ATP10D: variants seen among roughly 807,000 people sequenced by gnomAD.
ATP10D encodes the protein ATPase phospholipid transporting 10D (putative).
Under a neutral mutation model 144.8 loss-of-function variants are expected in ATP10D, and 89 were observed. That is an observed-to-expected ratio of 0.61 (90% confidence interval 0.52 to 0.73). ATP10D has a LOEUF of 0.73. Ranked by LOEUF, ATP10D falls within the 30% of genes least tolerant of loss-of-function variation. The pLI is 0.00. For missense variants in ATP10D, 1,603 were observed against 1,714.8 expected, an observed-to-expected ratio of 0.93 and a Z score of 1.15; for synonymous variants, 571 against 615.1, an observed-to-expected ratio of 0.93 and a Z score of 1.06.
intron 1 of ATP10D, among the ~76,000 whole-genome samples, chr4:47,504,980 G>A (rs1560412639): frequency 6.6e-6 from 1 of 152,174 alleles, no homozygotes; most frequent in Non-Finnish European, 1.5e-5. Context: ...TTGAGAAGAA[G>A]GTTATAAGTC....
chr4:47,531,194 G>T (rs1229164487), intron 5 of ATP10D, among the ~76,000 whole-genome samples: 1 of 152,070 alleles, frequency 6.6e-6, no homozygotes, highest in Non-Finnish European at 1.5e-5. Context: ...CTTGTTATTG[G>T]TCTGTTCAGG....
intron 5 of ATP10D, among the ~76,000 whole-genome samples, chr4:47,534,956 G>T (rs1717762558): frequency 6.6e-6 from 1 of 151,988 alleles, no homozygotes; most frequent in African/African-American, 2.4e-5. Flanking sequence ...TGTGACTTAT[G>T]TACACACCAT....
chr4:47,537,352 C>A (rs1283569905), intron 9 of ATP10D, among the ~76,000 whole-genome samples: 3 of 152,096 alleles, frequency 2.0e-5, no homozygotes, highest in African/African-American at 7.2e-5. Flanking sequence ...TTAAGAATAA[C>A]TAGTTTAAGC....
rs769051611 is a variant in ATP10D at position 47,546,702 on chromosome 4, A to G, written c.1475A>G (p.Asn492Ser). ...FIDTVSGSLS[N>S]MAKPRAPSCR... is the part of the protein sequence containing the mutation. ...GACACAGTCAGTGGTTCCCTCAGCA[A>G]TATGGCAAAACCGAGAGCCCCCAGC... The change falls in exon 10 of 23, where the codon AAT (asparagine) becomes AGT (serine). Residue 492 changes from asparagine to serine, a missense_variant. By Grantham distance (46) the Asn-to-Ser change is conservative (BLOSUM62 1). Transcript: ENST00000273859. 1.9e-6 allele frequency: 3 copies of G among 1,614,120 alleles called. No individual in the cohort carries two copies. The highest frequency in any genetic ancestry group is 1.1e-5 in the South Asian group (1 of 91,090).
intron 1 of ATP10D, among the ~76,000 whole-genome samples, chr4:47,510,841 G>A (rs1328748696): frequency 1.3e-5 from 2 of 152,206 alleles, no homozygotes; most frequent in Non-Finnish European, 2.9e-5. Flanking sequence ...TTAATGGCAA[G>A]TGAATGCTTC....
intron 22 of ATP10D, among the ~76,000 whole-genome samples, chr4:47,588,768 G>A (rs1324379396): frequency 4.6e-5 from 7 of 152,180 alleles, no homozygotes; most frequent in Non-Finnish European, 8.8e-5. Context: ...CCAGCTTCCA[G>A]ATTAAAAACT....
At position 47,591,830 on chromosome 4, in the gene ATP10D, C is replaced by T. The variant is rs1297655748; in HGVS notation, c.*449C>T. 3 of 152,556 alleles carry T rather than the reference C, an allele frequency of 2.0e-5. No individual in the cohort carries two copies. The highest frequency in any genetic ancestry group is 4.4e-5 in the Non-Finnish European group (3 of 68,408). The allele number at this position is 152,556 out of a possible 1,614,324, so 9.5% of individuals were successfully genotyped here. On this transcript the variant is annotated 3_prime_UTR_variant, in exon 23 of 23. Coordinates refer to ENST00000273859, the MANE Select transcript of ATP10D (RefSeq NM_020453.4). Reference sequence around the variant, plus strand: ...GGACTCAGAGGAAATACGGAAAAAACATTGTAGATGGTTAATTTACAGATA... The same window carrying T: ...GGACTCAGAGGAAATACGGAAAAAATATTGTAGATGGTTAATTTACAGATA...
At chr4:47,579,287 C>T (rs1255920163) in intron 19 of ATP10D, among the ~76,000 whole-genome samples, 1 of 152,000 alleles carries the variant, frequency 6.6e-6, no homozygotes, top group Non-Finnish European at 1.5e-5. Context: ...CTTTATTAAC[C>T]CGATAAATAT....
At chr4:47,519,186 G>A (rs1716824857) in intron 3 of ATP10D, among the ~76,000 whole-genome samples, 1 of 152,146 alleles carries the variant, frequency 6.6e-6, no homozygotes. Flanking sequence ...ATAAAGTGAA[G>A]TAGGCATCCA....
rs1476784491 is a variant in ATP10D, at chr4:47,576,973, G to C, written c.3567G>C (p.Glu1189Asp). ...TTTACAGAAGTGGTCAGAAATCAGA[G>C]GTAGGTGTTAAAGCAAGAGTGCTTG... Reference protein sequence around the residue: ...PELYRSGQKSEAYLPHTFWIT... With the variant: ...PELYRSGQKSDAYLPHTFWIT... The change falls in exon 19 of 23, where the codon GAG (glutamate) becomes GAC (aspartate). Residue 1189 changes from glutamate to aspartate, a missense_variant and splice_region_variant. Physicochemically the swap from Glu to Asp is conservative, Grantham distance 45 (BLOSUM62 2). Transcript: ENST00000273859. 5.0e-6 allele frequency: 8 copies of C among 1,614,066 alleles called. No individual in the cohort carries two copies. Among genetic ancestry groups the C allele is most frequent in the Non-Finnish European group, 5.9e-6 (7 of 1,179,912 alleles).
chr4:47,512,457 A>T, intron 1 of ATP10D, 47 bp from the exon 2 acceptor site: 1 of 1,242,886 alleles, frequency 8.0e-7, no homozygotes, highest in East Asian at 2.3e-5. Flanking sequence ...ACTATCTTTG[A>T]GACGTTTCAG....
At chr4:47,537,047 T>C in intron 9 of ATP10D, 109 bp downstream of exon 9, 1 of 1,310,190 alleles carries the variant, frequency 7.6e-7, no homozygotes, top group Non-Finnish European at 1.0e-6. Context: ...TATTTAATCA[T>C]TGAGTACTTA....
At chr4:47,491,566 T>A (rs1272705627) in intron 1 of ATP10D, 1 of 383,968 alleles carries the variant, frequency 2.6e-6, no homozygotes, top group African/African-American at 2.1e-5. Flanking sequence ...CTTTGGCAAT[T>A]TCCCATATTC....
chr4:47,515,029 C>T lies in ATP10D; in HGVS notation c.291-447C>T, dbSNP rs188645643. On this transcript the variant is annotated intron_variant, in intron 2 of 22. Transcript: ENST00000273859. ...AGGCTGGAGTGCAGTAGTGTGATCC[C>T]GGCTCACTGCAGCCTCCGACTTCTG... Among the ~76,000 whole-genome samples, 319 of 152,058 alleles carry T rather than the reference C, an allele frequency of 2.1e-3. 1 individual carries two copies. Among genetic ancestry groups the T allele is most frequent in the African/African-American group, 5.1e-3 (212 of 41,476 alleles).
chr4:47,516,544 T>C (rs1052329955), intron 3 of ATP10D, among the ~76,000 whole-genome samples: 7 of 152,230 alleles, frequency 4.6e-5, no homozygotes, highest in African/African-American at 1.7e-4. Flanking sequence ...TTCAATCTTA[T>C]GTGATCCAAA....
chr4:47,571,269 T>C (rs932459598), intron 16 of ATP10D, among the ~76,000 whole-genome samples: 1 of 148,660 alleles, frequency 6.7e-6, no homozygotes, highest in Non-Finnish European at 1.5e-5. Flanking sequence ...AATTATATTA[T>C]AATTTATTAC....
intron 1 of ATP10D, among the ~76,000 whole-genome samples, chr4:47,502,095 A>G (rs540965799): frequency 2.0e-5 from 3 of 152,286 alleles, no homozygotes; most frequent in African/African-American, 7.2e-5. Context: ...TACAACTGCA[A>G]CATTTTACCT....
intron 20 of ATP10D, 42 bp downstream of exon 20, chr4:47,580,520 A>C (rs1161702126): frequency 6.5e-7 from 1 of 1,542,360 alleles, no homozygotes; most frequent in Non-Finnish European, 9.0e-7. Context: ...TTAATGAATC[A>C]ATGATGCTTC....
chr4:47,562,613 C>G (rs1577687293), intron 14 of ATP10D, among the ~76,000 whole-genome samples: 2 of 152,120 alleles, frequency 1.3e-5, no homozygotes, highest in African/African-American at 4.8e-5. Context: ...TTAGTACAAC[C>G]TCTATGGAAA....
Sources: gnomAD v4.1 joint callset for allele counts (sites outside exome capture counted in the v4.1 genomes callset) on GRCh38, gnomAD v4.1.1 for gene constraint, MANE v1.5 for transcripts, NCBI Gene and HGNC (gene_info 2026-07-23, HGNC 2026-07-21) for gene names.